The following AP3B1 variants were observed in gnomAD, a reference collection of about 807,000 sequenced individuals.
AP3B1 encodes adaptor related protein complex 3 subunit beta 1.
A neutral mutation model predicts 132.5 loss-of-function variants in AP3B1; 61 were observed. The observed-to-expected ratio is 0.46, with a 90% CI of 0.37 to 0.57. The LOEUF is 0.57. Among genes scored for constraint, AP3B1 ranks in the 20% least tolerant of loss-of-function variants. AP3B1 has a pLI of 0.00. For missense variants in AP3B1, 1,120 were observed against 1,289.4 expected, an observed-to-expected ratio of 0.87 and a Z score of 2.01; for synonymous variants, 388 against 438.3, an observed-to-expected ratio of 0.89 and a Z score of 1.43.
At chr5:78,190,489 G>T (rs1744782713) in intron 7 of AP3B1, among the ~76,000 whole-genome samples, 1 of 152,166 alleles carries the variant, frequency 6.6e-6, no homozygotes, top group Non-Finnish European at 1.5e-5. Context: ...CTGTACTACT[G>T]TGGACTATGT....
At chr5:78,256,821 A>G (rs1270607215) in intron 2 of AP3B1, among the ~76,000 whole-genome samples, 1 of 152,176 alleles carries the variant, frequency 6.6e-6, no homozygotes, top group East Asian at 1.9e-4. Flanking sequence ...ATCACTCATC[A>G]TGACCAAGTG....
At chr5:78,033,049 T>G (rs1189316788) in intron 24 of AP3B1, among the ~76,000 whole-genome samples, 1 of 152,088 alleles carries the variant, frequency 6.6e-6, no homozygotes, top group Non-Finnish European at 1.5e-5. Context: ...AATCAAAAGG[T>G]TCTTTATACA....
chr5:78,092,272 G>A (rs1231909526), intron 21 of AP3B1, among the ~76,000 whole-genome samples: 1 of 152,194 alleles, frequency 6.6e-6, no homozygotes, highest in African/African-American at 2.4e-5. Flanking sequence ...CACACCACAA[G>A]CAAGTTCTGC....
At chr5:78,156,960 C>T (rs1297974549) in intron 13 of AP3B1, among the ~76,000 whole-genome samples, 1 of 152,166 alleles carries the variant, frequency 6.6e-6, no homozygotes, top group Non-Finnish European at 1.5e-5. Flanking sequence ...ATAAAGTCCA[C>T]TCTACCTTTC....
intron 12 of AP3B1, among the ~76,000 whole-genome samples, chr5:78,164,264 A>C (rs893996448): frequency 3.9e-5 from 6 of 152,160 alleles, no homozygotes; most frequent in Admixed American, 2.0e-4. Flanking sequence ...GTACAAATTT[A>C]GACAGTGATA....
chr5:78,154,817 C>T (rs1743079208), intron 14 of AP3B1, among the ~76,000 whole-genome samples: 5 of 152,138 alleles, frequency 3.3e-5, no homozygotes, highest in Admixed American at 3.3e-4. Context: ...ATTTCAATAT[C>T]TGTTAAATTT....
chr5:78,192,425 C>G (rs1181729653), intron 7 of AP3B1, among the ~76,000 whole-genome samples: 5 of 151,516 alleles, frequency 3.3e-5, no homozygotes, highest in Non-Finnish European at 7.4e-5. Context: ...GTGGATCACC[C>G]GAGGTCAGGA....
chr5:78,035,049 A>G (rs1043831839), intron 23 of AP3B1, among the ~76,000 whole-genome samples: 1 of 151,986 alleles, frequency 6.6e-6, no homozygotes, highest in African/African-American at 2.4e-5. Flanking sequence ...GATTATCTTT[A>G]TAAAACAAAA....
intron 2 of AP3B1, among the ~76,000 whole-genome samples, chr5:78,249,579 CTTTTTT>C (rs71301504): frequency 9.5e-6 from 1 of 105,074 alleles, no homozygotes; most frequent in Non-Finnish European, 1.9e-5. Context: ...TTTTCTTTTT[CTTTTTT>C]TTTTTTTTTT....
At chr5:78,024,561 A>ATTT (rs70997962) in intron 24 of AP3B1, among the ~76,000 whole-genome samples, 3,792 of 113,402 alleles carry the variant, frequency 0.033, 156 homozygotes, top group Admixed American at 0.1. Context: ...AGCTAATTTA[A>ATTT]TTTTTTTTTT....
intron 7 of AP3B1, among the ~76,000 whole-genome samples, chr5:78,197,150 G>T (rs867902784): frequency 6.6e-6 from 1 of 151,974 alleles, no homozygotes; most frequent in African/African-American, 2.4e-5. Flanking sequence ...AAGTTTTACC[G>T]TAAACTTATA....
At chr5:78,053,728 C>T (rs184225579) in intron 22 of AP3B1, among the ~76,000 whole-genome samples, 2 of 151,212 alleles carry the variant, frequency 1.3e-5, no homozygotes, top group African/African-American at 4.8e-5. Flanking sequence ...CTCAGGTAAC[C>T]ATAACAATTT....
intron 7 of AP3B1, among the ~76,000 whole-genome samples, chr5:78,193,583 G>C (rs1175501648): frequency 1.3e-5 from 2 of 150,186 alleles, no homozygotes; most frequent in African/African-American, 4.9e-5. Flanking sequence ...ATTTGTATTT[G>C]AAAGTTTTTA....
At chr5:78,262,775 C>T (rs1210199087) in intron 2 of AP3B1, among the ~76,000 whole-genome samples, 1 of 151,588 alleles carries the variant, frequency 6.6e-6, no homozygotes, top group African/African-American at 2.4e-5. Flanking sequence ...TCACTCCAAG[C>T]GATACCACAA....
At chr5:78,147,892 G>C (rs1378976028) in intron 14 of AP3B1, among the ~76,000 whole-genome samples, 2 of 152,128 alleles carry the variant, frequency 1.3e-5, no homozygotes, top group Admixed American at 1.3e-4. Context: ...AAATTATCCA[G>C]GCACGGTGGC....
chr5:78,175,385 G>C (rs558353662), intron 11 of AP3B1, among the ~76,000 whole-genome samples: 1 of 152,292 alleles, frequency 6.6e-6, no homozygotes, highest in East Asian at 1.9e-4. Context: ...TTAAATGCCT[G>C]TCTCCTTCAG....
intron 21 of AP3B1, 23 bp from the exon 22 acceptor site, chr5:78,089,522 G>A: frequency 6.9e-7 from 1 of 1,441,284 alleles, no homozygotes; most frequent in Non-Finnish European, 9.8e-7. Context: ...GCCCAAATTA[G>A]TAAATGTGCA....
intron 6 of AP3B1, among the ~76,000 whole-genome samples, chr5:78,218,565 T>C (rs538644574): frequency 3.3e-5 from 5 of 152,250 alleles, no homozygotes; most frequent in African/African-American, 1.2e-4. Context: ...ACACCCCATC[T>C]ATGGAGTTCA....
chr5:78,158,387 G>C (rs2112361403), intron 13 of AP3B1, among the ~76,000 whole-genome samples: 1 of 152,196 alleles, frequency 6.6e-6, no homozygotes, highest in East Asian at 1.9e-4. Context: ...GGCCAAGGAA[G>C]GTTGAGGCTT....
Sources: allele counts gnomAD v4.1 joint callset (sites outside exome capture counted in the v4.1 genomes callset), GRCh38; gene constraint gnomAD v4.1.1; transcripts MANE v1.5; gene names NCBI Gene and HGNC (gene_info 2026-07-23, HGNC 2026-07-21).